The following KATNIP variants were observed in gnomAD, a reference collection of about 807,000 sequenced individuals.
KATNIP encodes the protein katanin interacting protein.
In KATNIP, 126 loss-of-function variants were observed where a neutral mutation model predicts 174.0. The observed-to-expected ratio is 0.72, with a 90% CI of 0.63 to 0.84. The LOEUF (loss-of-function observed/expected upper bound fraction) is 0.84. Ranked by LOEUF, KATNIP falls within the 40% of genes least tolerant of loss-of-function variation. KATNIP has a pLI of 0.00. For synonymous variants in KATNIP, 810 were observed against 835.7 expected (o/e 0.97, Z 0.53); for missense variants, 1,958 against 2,109.7 (o/e 0.93, Z 1.41).
chr16:27,723,073 G>A (rs1306816970), intron 14 of KATNIP, among the ~76,000 whole-genome samples: 1 of 152,188 alleles, frequency 6.6e-6, no homozygotes, highest in African/African-American at 2.4e-5. Flanking sequence ...GGCAGGAAAG[G>A]AGAAAGTGTA....
chr16:27,569,849 A>C (rs1596746523), intron 1 of KATNIP, among the ~76,000 whole-genome samples: 1 of 152,220 alleles, frequency 6.6e-6, no homozygotes, highest in East Asian at 1.9e-4. Flanking sequence ...TAATGAATTA[A>C]AAAGCTTCTA....
chr16:27,618,510 A>C lies in KATNIP; in HGVS notation c.140+9A>C. ...CTTCAGCAGAGGAACCGGTAAGAGAAGCCACTCGACGGCAGCCCTTGATAT... is the reference window on the plus strand; with the variant it reads ...CTTCAGCAGAGGAACCGGTAAGAGACGCCACTCGACGGCAGCCCTTGATAT... On this transcript the variant is annotated intron_variant, in intron 3 of 27. Coordinates refer to ENST00000261588, the MANE Select transcript of KATNIP (RefSeq NM_015202.5). The C allele has an allele frequency of 6.3e-7, 1 of 1,595,984 alleles. No homozygotes were observed. The highest frequency in any genetic ancestry group is 8.6e-7 in the Non-Finnish European group (1 of 1,163,492).
intron 17 of KATNIP, among the ~76,000 whole-genome samples, chr16:27,753,712 C>CCCTTCCTT (rs1004853590): frequency 1.3e-5 from 2 of 151,122 alleles, no homozygotes; most frequent in African/African-American, 4.9e-5. Context: ...CTTCCACTTC[C>CCCTTCCTT]CCTTCCTTCC....
At chr16:27,638,341 T>TC (rs1221516174) in intron 5 of KATNIP, among the ~76,000 whole-genome samples, 1 of 152,028 alleles carries the variant, frequency 6.6e-6, no homozygotes, top group Non-Finnish European at 1.5e-5. Context: ...ATTATTACCG[T>TC]CATGAGGAAG....
At chr16:27,645,247 G>T (rs2076924015) in intron 5 of KATNIP, among the ~76,000 whole-genome samples, 2 of 152,196 alleles carry the variant, frequency 1.3e-5, no homozygotes, top group East Asian at 1.9e-4. Flanking sequence ...GTGTGCCAAA[G>T]CCCCAGCCGA....
intron 7 of KATNIP, among the ~76,000 whole-genome samples, chr16:27,679,466 TG>T (rs1450447679): frequency 6.6e-6 from 1 of 152,060 alleles, no homozygotes; most frequent in African/African-American, 2.4e-5. Context: ...TGTATGAGTT[TG>T]GAGGGGGCCA....
intron 14 of KATNIP, among the ~76,000 whole-genome samples, chr16:27,736,564 G>A (rs1220785837): frequency 2.0e-5 from 3 of 152,214 alleles, no homozygotes; most frequent in East Asian, 3.9e-4. Context: ...GGCAGAACAC[G>A]CCAGGCAAGT....
chr16:27,625,818 T>C (rs2076315608), intron 3 of KATNIP, among the ~76,000 whole-genome samples: 1 of 152,062 alleles, frequency 6.6e-6, no homozygotes, highest in Non-Finnish European at 1.5e-5. Context: ...ATATGCCTTT[T>C]TCTTTTCATT....
chr16:27,678,052 C>T, intron 7 of KATNIP, 56 bp downstream of exon 7: 1 of 1,578,868 alleles, frequency 6.3e-7, no homozygotes, highest in South Asian at 1.2e-5. Context: ...CATCTAATAG[C>T]AGGACTTAAA....
chr16:27,708,257 G>A (rs1002198535), intron 12 of KATNIP, among the ~76,000 whole-genome samples: 8 of 151,626 alleles, frequency 5.3e-5, no homozygotes, highest in East Asian at 1.9e-4. Flanking sequence ...TCCTGGCCTC[G>A]AGGAATCCTC....
intron 2 of KATNIP, among the ~76,000 whole-genome samples, chr16:27,597,142 A>G (rs953326928): frequency 6.6e-6 from 1 of 152,130 alleles, no homozygotes. Flanking sequence ...GCAGTGAGCC[A>G]TGATCACATT....
intron 2 of KATNIP, among the ~76,000 whole-genome samples, chr16:27,602,704 C>T (rs1241296918): frequency 2.0e-5 from 3 of 151,638 alleles, no homozygotes; most frequent in Non-Finnish European, 4.4e-5. Context: ...TCCTCTTCTT[C>T]TTCTTTTTTT....
At chr16:27,643,465 C>T (rs1246544286) in intron 5 of KATNIP, 2 of 152,066 alleles carry the variant, frequency 1.3e-5, no homozygotes, top group Non-Finnish European at 2.9e-5. Context: ...GTGGCGGGCA[C>T]CTGTAGTTCC....
chr16:27,727,331 G>A, intron 14 of KATNIP: 1 of 159,848 alleles, frequency 6.3e-6, no homozygotes, highest in Non-Finnish European at 1.4e-5. Context: ...TGGGACTCCA[G>A]GTGTGCACAC....
At chr16:27,682,965 A>C (rs910276600) in intron 8 of KATNIP, among the ~76,000 whole-genome samples, 3 of 152,290 alleles carry the variant, frequency 2.0e-5, no homozygotes, top group East Asian at 3.9e-4. Flanking sequence ...CAGAGTCCCC[A>C]CCAGCAAGAA....
intron 2 of KATNIP, among the ~76,000 whole-genome samples, chr16:27,613,658 A>G (rs2142029882): frequency 6.6e-6 from 1 of 152,322 alleles, no homozygotes; most frequent in East Asian, 1.9e-4. Context: ...TCACTACTTC[A>G]AGGGCTTCTG....
At chr16:27,564,599 G>A (rs551866411) in intron 1 of KATNIP, among the ~76,000 whole-genome samples, 1 of 152,206 alleles carries the variant, frequency 6.6e-6, no homozygotes, top group East Asian at 1.9e-4. Flanking sequence ...GGCCCCAGAA[G>A]TCAAGTTACA....
chr16:27,557,221 A>C (rs1050928896), intron 1 of KATNIP, among the ~76,000 whole-genome samples: 1 of 148,936 alleles, frequency 6.7e-6, no homozygotes, highest in Admixed American at 6.8e-5. Flanking sequence ...GGCTTACTGC[A>C]TCCTCCGCCT....
At chr16:27,595,766 G>A (rs1049918486) in intron 2 of KATNIP, among the ~76,000 whole-genome samples, 4 of 152,148 alleles carry the variant, frequency 2.6e-5, no homozygotes, top group Non-Finnish European at 4.4e-5. Context: ...AATAAAGCAG[G>A]GAAGAGGGCT....
Sources: allele counts gnomAD v4.1 joint callset (sites outside exome capture counted in the v4.1 genomes callset), GRCh38; gene constraint gnomAD v4.1.1; transcripts MANE v1.5; gene names NCBI Gene and HGNC (gene_info 2026-07-23, HGNC 2026-07-21).